Variants in ZNF782 observed in about 807,000 individuals in gnomAD.
ZNF782 encodes zinc finger protein 782.
A neutral mutation model predicts 13.0 loss-of-function variants in ZNF782; 12 were observed. That is an observed-to-expected ratio of 0.92 (90% CI 0.59 to 1.50). The LOEUF is 1.50. Ranked by LOEUF, ZNF782 falls within the 40% of genes most tolerant of loss-of-function variation. The pLI is 0.00. For synonymous variants in ZNF782, 284 were observed against 283.0 expected (o/e 1.00, Z -0.04); for missense variants, 770 against 822.9 (o/e 0.94, Z 0.79).
chr9:96,893,451 AT>A, the ZNF782 span: 1 of 152,240 alleles, frequency 6.6e-6, no homozygotes, highest in Admixed American at 6.5e-5. Context: ...TAGTTCAACC[AT>A]TGTAGAAAAC....
At chr9:96,880,844 T>C in the ZNF782 span, among the ~76,000 whole-genome samples, 3 of 152,182 alleles carry the variant, frequency 2.0e-5, no homozygotes, top group African/African-American at 7.2e-5. Flanking sequence ...TGGAATAATT[T>C]ATGTAAAACT....
At chr9:96,898,386 T>C in the ZNF782 span, among the ~76,000 whole-genome samples, 6 of 147,998 alleles carry the variant, frequency 4.1e-5, no homozygotes, top group Non-Finnish European at 7.4e-5. Context: ...TTCCATATAA[T>C]TGGAACCATA....
In ZNF782 at chr9:96,826,648, C is replaced by A. The variant is rs1588151241; in HGVS notation, c.244+432G>T. 3.9e-5 allele frequency among the ~76,000 whole-genome samples: 6 copies of A among 152,290 alleles called. 1 individual carries two copies. The highest frequency in any genetic ancestry group is 3.9e-4 in the Admixed American group (6 of 15,296). On this transcript the variant is annotated intron_variant, in intron 5 of 5. Coordinates refer to ENST00000481138, the MANE Select transcript of ZNF782 (RefSeq NM_001001662.3). ...GAAAGGCTTTCTTGTAAGGTTTGCC[C>A]TTGGCTGGCATCTAGAAACAAGATT...
chr9:96,898,633 G>A, the ZNF782 span, among the ~76,000 whole-genome samples: 1 of 147,180 alleles, frequency 6.8e-6, no homozygotes, highest in African/African-American at 2.6e-5. Context: ...TGCAACCTCT[G>A]CCTCCCGGGC....
the ZNF782 span, among the ~76,000 whole-genome samples, chr9:96,928,084 A>G: frequency 4.6e-5 from 7 of 150,556 alleles, no homozygotes; most frequent in Non-Finnish European, 1.0e-4. Context: ...CAGGAAAGAA[A>G]ATGTGGTGGC....
rs981020249 is a variant in ZNF782 at position 96,854,286 on chromosome 9, A to G, written c.-460T>C. 1 of 152,278 alleles carries G rather than the reference A, an allele frequency of 6.6e-6. No homozygotes were observed. The highest frequency in any genetic ancestry group is 2.4e-5 in the African/African-American group (1 of 41,446). The allele number at this position is 152,278 out of a possible 1,614,324, so 9.4% of individuals were successfully genotyped here. A position where few individuals can be genotyped will look rare whatever the true frequency, so the allele number is the denominator to read the frequency against. On this transcript the variant is annotated 5_prime_UTR_variant, in exon 1 of 6. Transcript: ENST00000481138. ...CTCAGCCTCAGCCGCCCCGGGAGCC[A>G]GCGGCCGAAGTCCCTCTCCAGCGGC...
chr9:96,873,662 C>G (rs1466163398), intron 1 of ZNF782, among the ~76,000 whole-genome samples: 1 of 152,196 alleles, frequency 6.6e-6, no homozygotes, highest in East Asian at 1.9e-4. Flanking sequence ...AGCATGCCTG[C>G]GCTCCACCCT....
At chr9:96,837,128 C>T (rs1331777984) in intron 4 of ZNF782, among the ~76,000 whole-genome samples, 1 of 152,216 alleles carries the variant, frequency 6.6e-6, no homozygotes, top group African/African-American at 2.4e-5. Flanking sequence ...TCTGGTTCTA[C>T]AAGATGCCCC....
At chr9:96,831,710 C>A (rs1268628476) in intron 4 of ZNF782, among the ~76,000 whole-genome samples, 5 of 134,086 alleles carry the variant, frequency 3.7e-5, no homozygotes, top group African/African-American at 1.4e-4. Flanking sequence ...GAGACTCTGT[C>A]TCAAAAAAAA....
the ZNF782 span, among the ~76,000 whole-genome samples, chr9:96,925,589 C>G: frequency 1.4e-5 from 2 of 140,132 alleles, no homozygotes; most frequent in African/African-American, 5.5e-5. Flanking sequence ...GAGAGGAGAT[C>G]ACACCACTGC....
the ZNF782 span, among the ~76,000 whole-genome samples, chr9:96,906,661 GCCAC>G: frequency 1.3e-5 from 2 of 152,228 alleles, no homozygotes; most frequent in Non-Finnish European, 2.9e-5. Context: ...TCCCAGGCAT[GCCAC>G]CCTCCAGGAA....
At chr9:96,821,966 T>C (rs1012007014) in intron 5 of ZNF782, among the ~76,000 whole-genome samples, 17 of 152,322 alleles carry the variant, frequency 1.1e-4, no homozygotes, top group African/African-American at 3.8e-4. Flanking sequence ...GCCTGGCCAA[T>C]AGTTCACTTT....
At chr9:96,820,749 C>T (rs1318169084) in intron 5 of ZNF782, among the ~76,000 whole-genome samples, 1 of 151,976 alleles carries the variant, frequency 6.6e-6, no homozygotes. Context: ...AGGGTTTTGC[C>T]ATGTTGGCCA....
Position 96,854,354 on chromosome 9 carries a change from G to A in ZNF782, c.-528C>T, listed in dbSNP as rs989604898. On this transcript the variant is annotated 5_prime_UTR_variant, in exon 1 of 6. Transcript: ENST00000481138. ...CGCCCGGTCGCATCCACTGACACAG[G>A]GGGCGGGGATCCCACAAACTTCCCG... is the stretch of plus-strand genomic sequence containing the variant. 1 of 144,292 alleles carries A rather than the reference G, an allele frequency of 6.9e-6. No individual in the cohort carries two copies. Among genetic ancestry groups the A allele is most frequent in the Non-Finnish European group, 1.5e-5 (1 of 68,028 alleles). The allele number at this position is 144,292 out of a possible 1,614,324, so 8.9% of individuals were successfully genotyped here.
At chr9:96,912,487 C>G in the ZNF782 span, among the ~76,000 whole-genome samples, 1 of 146,166 alleles carries the variant, frequency 6.8e-6, no homozygotes, top group Non-Finnish European at 1.5e-5. Context: ...GAGTGAGTTT[C>G]CATCTCAAAA....
the ZNF782 span, among the ~76,000 whole-genome samples, chr9:96,922,063 T>C: frequency 6.6e-6 from 1 of 151,212 alleles, no homozygotes; most frequent in Non-Finnish European, 1.5e-5. Flanking sequence ...CTTCCAAGAA[T>C]CACGGAAACA....
the ZNF782 span, among the ~76,000 whole-genome samples, chr9:96,896,360 A>G: frequency 1.3e-5 from 2 of 152,180 alleles, no homozygotes; most frequent in Admixed American, 6.5e-5. Context: ...TTTCCCTTCT[A>G]TATCAATCGC....
At chr9:96,923,858 T>C in the ZNF782 span, among the ~76,000 whole-genome samples, 2 of 149,706 alleles carry the variant, frequency 1.3e-5, no homozygotes, top group East Asian at 4.7e-4. Flanking sequence ...CTTTTTTTTT[T>C]TGAGATGGAG....
intron 1 of ZNF782, among the ~76,000 whole-genome samples, chr9:96,866,626 A>T (rs1376027091): frequency 6.6e-6 from 1 of 152,170 alleles, no homozygotes; most frequent in Non-Finnish European, 1.5e-5. Context: ...GAAGAGGGCC[A>T]CCATCCTTCA....
Sources: gnomAD v4.1 joint callset for allele counts (sites outside exome capture counted in the v4.1 genomes callset) on GRCh38, gnomAD v4.1.1 for gene constraint, MANE v1.5 for transcripts, NCBI Gene and HGNC (gene_info 2026-07-23, HGNC 2026-07-21) for gene names.